GUK1: variants seen among roughly 807,000 people sequenced by gnomAD.
GUK1 encodes guanylate kinase.
A neutral mutation model predicts 25.2 loss-of-function variants in GUK1; 18 were observed. The observed-to-expected ratio is 0.71, with a 90% CI of 0.49 to 1.06. GUK1 has a LOEUF of 1.06. Ranked by LOEUF, GUK1 falls within the 50% of genes least tolerant of loss-of-function variation. GUK1 has a pLI of 0.00. For missense variants in GUK1, 261 were observed against 276.7 expected (o/e 0.94, Z 0.40); for synonymous variants, 105 against 117.6 (o/e 0.89, Z 0.69).
Position 228,146,433 on chromosome 1 carries a change from G to A in GUK1, c.154+366G>A, listed in dbSNP as rs115693242. On this transcript the variant is annotated intron_variant, in intron 4 of 8. Transcript: ENST00000312726. ...TCTGCCTGCCTGATTCAAGACAAGG[G>A]ACCCCCTTCCCAACAGCACCCCCGC... 6.8e-3 allele frequency: 2,990 copies of A among 437,318 alleles called. 93 individuals are homozygous for A. The highest frequency in any genetic ancestry group is 0.053 in the African/African-American group (2,710 of 51,252). 27.1% of individuals were successfully genotyped at this position (437,318 alleles called of 1,614,324 possible).
At position 228,146,849 on chromosome 1, in the gene GUK1, C is replaced by T. The variant is rs1804704; in HGVS notation, c.162C>T (p.Tyr54=). Residue 54 remains tyrosine (Y), a synonymous_variant, in exon 5 of 9, where the codon TAC becomes TAT. Coordinates refer to ENST00000312726, the MANE Select transcript of GUK1 (RefSeq NM_000858.7). ...GCCCCTCCTCTTCCCCAGATTACTA[C>T]TTTGTAACCAGGGAGGTGATGCAGC... 5 of 1,609,734 alleles carry T rather than the reference C, an allele frequency of 3.1e-6. No individual in the cohort carries two copies. The highest frequency in any genetic ancestry group is 4.3e-6 in the Non-Finnish European group (5 of 1,176,072).
At chr1:228,140,510 G>C (rs891978417) in intron 1 of GUK1, 147 bp downstream of exon 1, 1 of 658,428 alleles carries the variant, frequency 1.5e-6, no homozygotes, top group Non-Finnish European at 2.4e-6. Context: ...CCCTGAGAAC[G>C]GGGGAGCTCT....
chr1:228,141,489 C>T, intron 2 of GUK1: 1 of 402,298 alleles, frequency 2.5e-6, no homozygotes. Context: ...CAGCCCAGAG[C>T]CCAGGCCCAC....
intron 2 of GUK1, among the ~76,000 whole-genome samples, chr1:228,143,560 G>T (rs567666766): frequency 6.6e-6 from 1 of 152,214 alleles, no homozygotes; most frequent in South Asian, 2.1e-4. Context: ...ATTCACACAA[G>T]TGGCATGGCT....
chr1:228,145,247 C>A, intron 2 of GUK1: 1 of 287,424 alleles, frequency 3.5e-6, no homozygotes, highest in Non-Finnish European at 6.5e-6. Flanking sequence ...GGGGGGCTCC[C>A]CTGCTGAGAA....
At chr1:228,148,265 C>A (rs753986009) in intron 7 of GUK1, 106 bp from the exon 7 acceptor site, 6 of 840,510 alleles carry the variant, frequency 7.1e-6, no homozygotes, top group Non-Finnish European at 1.0e-5. Flanking sequence ...GTCCCACAGC[C>A]GCAGTGAGGA....
chr1:228,140,711 C>A (rs2033997661), intron 1 of GUK1, among the ~76,000 whole-genome samples: 1 of 152,260 alleles, frequency 6.6e-6, no homozygotes. Flanking sequence ...GCTGGCCCGG[C>A]GCGGTGTGCG....
At chr1:228,140,789 C>T (rs1169842659) in intron 1 of GUK1, among the ~76,000 whole-genome samples, 5 of 152,150 alleles carry the variant, frequency 3.3e-5, no homozygotes, top group African/African-American at 1.2e-4. Flanking sequence ...TTCCGGGGCT[C>T]CCAGGATTCT....
Position 228,142,357 on chromosome 1 carries a change from C to T in GUK1, c.-3+1069C>T, listed in dbSNP as rs184424513. Among the ~76,000 whole-genome samples, 17 of 152,298 alleles carry T rather than the reference C, an allele frequency of 1.1e-4. 1 individual carries two copies. The East Asian group carries it at 3.1e-3, about 28-fold the overall frequency. ...TGTGTGCCTCGTGCCCTGTGCTGGG[C>T]GAGAGTGGGCACAGCTGCGCAGACA... On this transcript the variant is annotated intron_variant, in intron 2 of 8. Coordinates refer to ENST00000312726, the MANE Select transcript of GUK1 (RefSeq NM_000858.7).
chr1:228,142,722 G>A (rs569058973), intron 2 of GUK1, among the ~76,000 whole-genome samples: 23 of 152,232 alleles, frequency 1.5e-4, no homozygotes, highest in African/African-American at 5.3e-4. Flanking sequence ...GGAGCCAGAG[G>A]TGGGACTCCA....
At chr1:228,142,393 C>T (rs1021814850) in intron 2 of GUK1, among the ~76,000 whole-genome samples, 8 of 152,262 alleles carry the variant, frequency 5.3e-5, no homozygotes, top group Admixed American at 3.9e-4. Flanking sequence ...ACGCCCTTGG[C>T]GAGGCTGGAG....
chr1:228,142,266 G>A (rs928898522), intron 2 of GUK1, among the ~76,000 whole-genome samples: 9 of 152,268 alleles, frequency 5.9e-5, no homozygotes, highest in African/African-American at 1.7e-4. Context: ...GGGCAGAGCC[G>A]AACTCAGGGG....
intron 7 of GUK1, 41 bp downstream of exon 6, chr1:228,147,740 A>G: frequency 6.3e-7 from 1 of 1,580,982 alleles, no homozygotes. Context: ...CCAGGAGGGG[A>G]GTCAGGGTTC....
intron 2 of GUK1, among the ~76,000 whole-genome samples, chr1:228,142,124 T>C (rs111948128): frequency 0.011 from 1,484 of 130,778 alleles, 29 homozygotes; most frequent in African/African-American, 0.039. Flanking sequence ...AGGCAGCCTG[T>C]GCCTCCGCCC....
intron 3 of GUK1, 196 bp from the exon 3 acceptor site, chr1:228,145,830 T>C: frequency 2.8e-6 from 2 of 709,594 alleles, no homozygotes; most frequent in Non-Finnish European, 4.8e-6. Flanking sequence ...CCTGGGTCTG[T>C]TGAGTACTGA....
At chr1:228,147,833 A>G (rs1242487933) in intron 7 of GUK1, 134 bp downstream of exon 6, 4 of 689,836 alleles carry the variant, frequency 5.8e-6, no homozygotes, top group South Asian at 5.7e-5. Flanking sequence ...AGACCTCTCA[A>G]CTACCTCCCA....
rs919236010 is a variant in GUK1, at chr1:228,141,306, T to TC, written c.-3+25dup. On this transcript the variant is annotated intron_variant, in intron 2 of 8. Transcript: ENST00000312726. Reference sequence around the variant, plus strand: ...CTCAGGAGGTAAAGGAATGTTCCTGTCCCCCCCGGGGAAAGAAAGTGAAAA... The same window carrying TC: ...CTCAGGAGGTAAAGGAATGTTCCTGTCCCCCCCCGGGGAAAGAAAGTGAAAA... 3.6e-4 allele frequency: 345 copies of TC among 968,030 alleles called. 1 individual carries two copies. In the Middle Eastern group the frequency reaches 7.4e-3, roughly 21 times the overall value. 60.0% of individuals were successfully genotyped at this position (968,030 alleles called of 1,614,324 possible).
In GUK1 at chr1:228,148,941, T is replaced by G; in HGVS notation, c.*244T>G. The G allele has an allele frequency of 9.4e-7, 1 of 1,066,564 alleles. No individual in the cohort carries two copies. Among genetic ancestry groups the G allele is most frequent in the Non-Finnish European group, 1.3e-6 (1 of 754,826 alleles). The allele number at this position is 1,066,564 out of a possible 1,614,324, so 66.1% of individuals were successfully genotyped here. A position where few individuals can be genotyped will look rare whatever the true frequency, so the allele number is the denominator to read the frequency against. On this transcript the variant is annotated 3_prime_UTR_variant, in exon 9 of 9. Transcript: ENST00000312726. Reference sequence around the variant, plus strand: ...CATCCTAATAAAATAACTGTTGGATTAGAAACTCCATAAATGAGTGGAATG... The same window carrying G: ...CATCCTAATAAAATAACTGTTGGATGAGAAACTCCATAAATGAGTGGAATG...
rs751208938 is a variant in GUK1, at chr1:228,147,529, T to C, written c.375T>C (p.Pro125=). The C allele has an allele frequency of 1.2e-6, 2 of 1,613,384 alleles. No homozygotes were observed. Among genetic ancestry groups the C allele is most frequent in the East Asian group, 2.2e-5 (1 of 44,876 alleles). ...CCATCTACATCTCTGTGCAGCCGCC[T>C]TCACTGCACGTGCTGGTGTGTGCTG... The change falls in exon 6 of 9, where the codon CCT becomes CCC. Residue 125 remains proline (P), a synonymous_variant. Transcript: ENST00000312726.
Sources: allele counts gnomAD v4.1 joint callset (sites outside exome capture counted in the v4.1 genomes callset), GRCh38; gene constraint gnomAD v4.1.1; transcripts MANE v1.5; gene names NCBI Gene and HGNC (gene_info 2026-07-23, HGNC 2026-07-21).